Variants in PKNOX2 observed in about 807,000 individuals in gnomAD.
The protein encoded by PKNOX2 is homeobox protein PKNOX2.
PKNOX2 carries 14 observed loss-of-function variants against 53.1 expected under a neutral mutation model. That is an observed-to-expected ratio of 0.26 (90% confidence interval 0.17 to 0.41). The LOEUF (loss-of-function observed/expected upper bound fraction) is 0.41, where lower values mean the gene tolerates loss of function less well. PKNOX2 is among the 10% of genes least tolerant of loss of function. The pLI is 1.00. For synonymous variants in PKNOX2, 257 were observed against 242.8 expected, an observed-to-expected ratio of 1.06 and a Z score of -0.54; for missense variants, 496 against 602.8, an observed-to-expected ratio of 0.82 and a Z score of 1.85.
Position 125,318,714 on chromosome 11 carries a change from C to T in PKNOX2, c.-129-13105C>T, listed in dbSNP as rs141088677. On this transcript the variant is annotated intron_variant, in intron 2 of 12. Transcript: ENST00000298282. Reference sequence around the variant, plus strand: ...TTTGCCCTATCTCAATGATATGGTTCGGCTCTTTGTCCCTACCCAAATCTC... The same window carrying T: ...TTTGCCCTATCTCAATGATATGGTTTGGCTCTTTGTCCCTACCCAAATCTC... 7.1e-4 allele frequency among the ~76,000 whole-genome samples: 108 copies of T among 152,246 alleles called. 1 individual carries two copies. The highest frequency in any genetic ancestry group is 2.1e-3 in the African/African-American group (89 of 41,546).
intron 1 of PKNOX2, among the ~76,000 whole-genome samples, chr11:125,174,195 G>C (rs76508089): frequency 0.062 from 9,404 of 152,230 alleles, 711 homozygotes; most frequent in East Asian, 0.2. Flanking sequence ...AGAGTCAAGT[G>C]TATGCCCCGG....
chr11:125,212,093 A>T (rs1461712429), intron 1 of PKNOX2, among the ~76,000 whole-genome samples: 1 of 152,100 alleles, frequency 6.6e-6, no homozygotes, highest in Non-Finnish European at 1.5e-5. Flanking sequence ...ATGTTGATTA[A>T]GTACATTTGA....
At chr11:125,216,935 G>C (rs1054232100) in intron 1 of PKNOX2, among the ~76,000 whole-genome samples, 23 of 152,056 alleles carry the variant, frequency 1.5e-4, no homozygotes, top group African/African-American at 5.6e-4. Flanking sequence ...GTTCAGGCTC[G>C]GTGTGGCCAG....
intron 2 of PKNOX2, among the ~76,000 whole-genome samples, chr11:125,259,873 TA>T (rs1012173699): frequency 2.0e-5 from 3 of 151,756 alleles, no homozygotes; most frequent in African/African-American, 7.3e-5. Flanking sequence ...CTTTTTTTTT[TA>T]ATTCTTTTTT....
intron 1 of PKNOX2, among the ~76,000 whole-genome samples, 198 bp downstream of exon 1, chr11:125,164,974 A>G (rs1256003726): frequency 1.3e-5 from 2 of 151,712 alleles, no homozygotes; most frequent in African/African-American, 4.8e-5. Context: ...AGAGGGAGGC[A>G]GCAGGGAGGA....
intron 1 of PKNOX2, among the ~76,000 whole-genome samples, chr11:125,220,335 A>G (rs1226902586): frequency 6.6e-6 from 1 of 152,236 alleles, no homozygotes; most frequent in African/African-American, 2.4e-5. Context: ...CAAATCCCAC[A>G]AAATATCTGC....
At chr11:125,407,761 A>AG (rs1955204114) in intron 7 of PKNOX2, among the ~76,000 whole-genome samples, 1 of 152,080 alleles carries the variant, frequency 6.6e-6, no homozygotes, top group Admixed American at 6.5e-5. Context: ...CAAAAAAAAA[A>AG]GTAAATTTAC....
chr11:125,331,935 G>A lies in PKNOX2; in HGVS notation c.-23+10G>A, dbSNP rs917349821. On this transcript the variant is annotated intron_variant, in intron 3 of 12. Transcript: ENST00000298282. ...CGGGATCACCCGAACAGTAAGAAAT[G>A]CTCTTCTGTCGTTTAACATACAGTT... 1 of 152,298 alleles carries A rather than the reference G, an allele frequency of 6.6e-6. No homozygotes were observed. Among genetic ancestry groups the A allele is most frequent in the East Asian group, 1.9e-4 (1 of 5,186 alleles). The allele number at this position is 152,298 out of a possible 1,614,324, so 9.4% of individuals were successfully genotyped here. A position where few individuals can be genotyped will look rare whatever the true frequency, so the allele number is the denominator to read the frequency against.
At chr11:125,379,244 T>C (rs934346460) in intron 5 of PKNOX2, among the ~76,000 whole-genome samples, 3 of 151,964 alleles carry the variant, frequency 2.0e-5, no homozygotes, top group Non-Finnish European at 4.4e-5. Flanking sequence ...GTATTTTTAG[T>C]AGAGACAGGG....
chr11:125,284,439 G>A (rs1001831777), intron 2 of PKNOX2, among the ~76,000 whole-genome samples: 2 of 152,196 alleles, frequency 1.3e-5, no homozygotes, highest in East Asian at 1.9e-4. Context: ...GCGTGTTAGC[G>A]CCAAGACACA....
At chr11:125,369,556 G>A (rs748118137) in intron 5 of PKNOX2, among the ~76,000 whole-genome samples, 10 of 152,186 alleles carry the variant, frequency 6.6e-5, no homozygotes, top group South Asian at 2.1e-4. Flanking sequence ...ACCGATAGAC[G>A]TACAAACAAG....
chr11:125,213,372 A>G (rs1392544418), intron 1 of PKNOX2, among the ~76,000 whole-genome samples: 1 of 152,106 alleles, frequency 6.6e-6, no homozygotes, highest in Admixed American at 6.5e-5. Flanking sequence ...TGGGAATAAG[A>G]CCATTTGAGG....
Position 125,349,837 on chromosome 11 carries a change from T to TCACACACACA in PKNOX2, c.-22-1416_-22-1407dup, listed in dbSNP as rs60332384. On this transcript the variant is annotated intron_variant, in intron 3 of 12. Coordinates refer to ENST00000298282, the MANE Select transcript of PKNOX2 (RefSeq NM_001382323.2). ...ACTTCCTGAAAAAGAACCAAAAGAA[T>TCACACACACA]CACACACACACACACACACACACAC... is the stretch of plus-strand genomic sequence containing the variant. 1.3e-3 allele frequency among the ~76,000 whole-genome samples: 175 copies of TCACACACACA among 138,124 alleles called. 1 individual carries two copies. Among genetic ancestry groups the TCACACACACA allele is most frequent in the South Asian group, 3.4e-3 (14 of 4,064 alleles). The allele number at this position is 138,124 out of a possible 152,430, so 90.6% of individuals were successfully genotyped here. A position where few individuals can be genotyped will look rare whatever the true frequency, so the allele number is the denominator to read the frequency against.
chr11:125,213,220 C>T (rs647737), intron 1 of PKNOX2, among the ~76,000 whole-genome samples: 101,562 of 151,228 alleles, frequency 0.67, 34,789 homozygotes, highest in East Asian at 0.77. Flanking sequence ...TTCACATCTG[C>T]CACCTCTTCC....
At chr11:125,413,325 G>T (rs966140614) in intron 10 of PKNOX2, among the ~76,000 whole-genome samples, 1 of 152,210 alleles carries the variant, frequency 6.6e-6, no homozygotes, top group Non-Finnish European at 1.5e-5. Flanking sequence ...TGATTCAGTG[G>T]CTGGAGTGCA....
At chr11:125,290,009 A>T (rs746729122) in intron 2 of PKNOX2, among the ~76,000 whole-genome samples, 1 of 151,852 alleles carries the variant, frequency 6.6e-6, no homozygotes, top group African/African-American at 2.4e-5. Flanking sequence ...TGTTGTATTC[A>T]CTCCCACCCC....
chr11:125,213,912 C>T (rs1565470942), intron 1 of PKNOX2, among the ~76,000 whole-genome samples: 2 of 152,056 alleles, frequency 1.3e-5, no homozygotes, highest in Admixed American at 1.3e-4. Flanking sequence ...CCTGTGCCAC[C>T]CCAACCTCAG....
chr11:125,417,162 G>C (rs1293453510), intron 10 of PKNOX2, among the ~76,000 whole-genome samples: 1 of 151,982 alleles, frequency 6.6e-6, no homozygotes, highest in African/African-American at 2.4e-5. Flanking sequence ...TCCTCTTGGA[G>C]GGTGGAGAGG....
At chr11:125,265,626 GA>G (rs1453519919) in intron 2 of PKNOX2, among the ~76,000 whole-genome samples, 1 of 152,206 alleles carries the variant, frequency 6.6e-6, no homozygotes, top group African/African-American at 2.4e-5. Flanking sequence ...CAGAGAGCCT[GA>G]ACAGAGGCAG....
Sources: gnomAD v4.1 joint callset for allele counts (sites outside exome capture counted in the v4.1 genomes callset) on GRCh38, gnomAD v4.1.1 for gene constraint, MANE v1.5 for transcripts, NCBI Gene and HGNC (gene_info 2026-07-23, HGNC 2026-07-21) for gene names.